TOLLIP: variants seen among roughly 807,000 people sequenced by gnomAD.
The protein encoded by TOLLIP is toll-interacting protein.
Under a neutral mutation model 33.5 loss-of-function variants are expected in TOLLIP, and 16 were observed. The ratio of observed to expected loss-of-function variants is 0.48; its 90% CI spans 0.32 to 0.72. TOLLIP has a LOEUF of 0.72. Among genes scored for constraint, TOLLIP ranks in the 30% least tolerant of loss-of-function variants. The pLI is 0.03. For synonymous variants in TOLLIP, 176 were observed against 163.7 expected, an observed-to-expected ratio of 1.07 and a Z score of -0.57; for missense variants, 325 against 396.6, an observed-to-expected ratio of 0.82 and a Z score of 1.53.
chr11:1,308,564 T>C (rs1052262063), intron 1 of TOLLIP, among the ~76,000 whole-genome samples: 5 of 152,174 alleles, frequency 3.3e-5, no homozygotes, highest in African/African-American at 1.2e-4. Flanking sequence ...GAGCCCATCA[T>C]CTCTGAGTCA....
At chr11:1,281,172 A>G (rs376389813) in intron 5 of TOLLIP, among the ~76,000 whole-genome samples, 58 of 152,352 alleles carry the variant, frequency 3.8e-4, no homozygotes, top group African/African-American at 1.4e-3. Flanking sequence ...GGTAATCAAA[A>G]TAATACTTTG....
intron 1 of TOLLIP, among the ~76,000 whole-genome samples, chr11:1,300,865 A>G (rs1864252166): frequency 6.6e-6 from 1 of 152,182 alleles, no homozygotes; most frequent in Non-Finnish European, 1.5e-5. Context: ...CACTTCCATG[A>G]CTGGCCCCCT....
chr11:1,277,338 C>T lies in TOLLIP; in HGVS notation c.611-85G>A. 1 of 1,148,208 alleles carries T rather than the reference C, an allele frequency of 8.7e-7. No homozygotes were observed. Among genetic ancestry groups the T allele is most frequent in the East Asian group, 2.6e-5 (1 of 38,366 alleles). The allele number at this position is 1,148,208 out of a possible 1,614,324, so 71.1% of individuals were successfully genotyped here. On this transcript the variant is annotated intron_variant, in intron 5 of 5. Coordinates refer to ENST00000317204, the MANE Select transcript of TOLLIP (RefSeq NM_019009.4). This position sits in a 1 kb window ranked among gnomAD's most constrained non-coding sequence, Gnocchi z 4.2. ...CTCCTGCTGAAGGAAGAAAACAACGCATCCCACCGGCCTCCCTGAGGAAGG... is the reference window on the plus strand; with the variant it reads ...CTCCTGCTGAAGGAAGAAAACAACGTATCCCACCGGCCTCCCTGAGGAAGG...
intron 5 of TOLLIP, among the ~76,000 whole-genome samples, chr11:1,282,034 G>C (rs1300390789): frequency 2.6e-4 from 40 of 152,232 alleles, no homozygotes; most frequent in Admixed American, 2.6e-3. Flanking sequence ...GTGAAGAAGG[G>C]TGCCTTATTC....
chr11:1,305,669 A>C (rs1401241223), intron 1 of TOLLIP, among the ~76,000 whole-genome samples: 11 of 152,214 alleles, frequency 7.2e-5, no homozygotes, highest in Non-Finnish European at 1.3e-4. Context: ...GGAATTATCA[A>C]CGATGTGAAG....
At chr11:1,295,474 C>T in intron 2 of TOLLIP, 171 bp downstream of exon 2, 2 of 851,546 alleles carry the variant, frequency 2.3e-6, no homozygotes, top group Non-Finnish European at 3.5e-6. Context: ...GGGGTCAATG[C>T]CAATATCTTT....
intron 5 of TOLLIP, among the ~76,000 whole-genome samples, chr11:1,279,879 G>A (rs1863438142): frequency 6.6e-6 from 1 of 152,194 alleles, no homozygotes; most frequent in Admixed American, 6.5e-5. Context: ...TCAGGCTGAA[G>A]GCATGTGGCC....
At chr11:1,299,936 G>A (rs1215439879) in intron 1 of TOLLIP, among the ~76,000 whole-genome samples, 8 of 152,246 alleles carry the variant, frequency 5.3e-5, no homozygotes, top group Non-Finnish European at 1.0e-4. Context: ...AGGCGGAGGC[G>A]GAGGTGCGGC....
chr11:1,290,401 C>T lies in TOLLIP; in HGVS notation c.192G>A (p.Leu64=). The part of the protein sequence containing the change: ...RLNITVVQAK[L]AKNYGMTRMD... ...TGCGGGTCATGCCGTAATTCTTGGCCAACTTTGCCTGGAATGAAGCCAATG... is the reference window on the plus strand; with the variant it reads ...TGCGGGTCATGCCGTAATTCTTGGCTAACTTTGCCTGGAATGAAGCCAATG... Residue 64 remains leucine (L), a synonymous_variant, in exon 3 of 6, where the codon TTG becomes TTA. Transcript: ENST00000317204. The surrounding 1 kb of genome is among the most constrained non-coding windows in gnomAD (Gnocchi z 4.9). The T allele has an allele frequency of 6.2e-7, 1 of 1,610,854 alleles. No homozygotes were observed.
Position 1,290,030 on chromosome 11 carries a change from T to A in TOLLIP, c.366+197A>T. On this transcript the variant is annotated intron_variant, in intron 3 of 5. Transcript: ENST00000317204. This position sits in a 1 kb window ranked among gnomAD's most constrained non-coding sequence, Gnocchi z 4.9. ...CTGGGGATGTTTCCAAATGTAAGTA[T>A]GTTCAAGGAGCTGGAAACAATCCCT... 2 of 590,674 alleles carry A rather than the reference T, an allele frequency of 3.4e-6. No individual in the cohort carries two copies. Among genetic ancestry groups the A allele is most frequent in the Non-Finnish European group, 6.0e-6 (2 of 333,818 alleles). 36.6% of individuals were successfully genotyped at this position (590,674 alleles called of 1,614,324 possible).
intron 1 of TOLLIP, among the ~76,000 whole-genome samples, chr11:1,304,569 G>A (rs572189900): frequency 6.6e-6 from 1 of 152,362 alleles, no homozygotes; most frequent in East Asian, 1.9e-4. Flanking sequence ...TCTCCGCGTG[G>A]ATCCGGAGGT....
intron 1 of TOLLIP, among the ~76,000 whole-genome samples, chr11:1,307,213 C>A (rs1429855028): frequency 6.6e-6 from 1 of 152,230 alleles, no homozygotes; most frequent in African/African-American, 2.4e-5. Flanking sequence ...TCTTAAGAGA[C>A]CCTGGCAGCT....
chr11:1,300,106 T>C (rs559763873), intron 1 of TOLLIP, among the ~76,000 whole-genome samples: 1 of 152,362 alleles, frequency 6.6e-6, no homozygotes, highest in Non-Finnish European at 1.5e-5. Context: ...TTTAAAAACA[T>C]TCGTGAATTA....
intron 2 of TOLLIP, chr11:1,295,386 G>A: frequency 2.8e-6 from 1 of 361,654 alleles, no homozygotes; most frequent in Non-Finnish European, 4.9e-6. Flanking sequence ...CAAGCCTGGT[G>A]GAAGAGCCAG....
At chr11:1,309,132 C>A (rs1864513140) in intron 1 of TOLLIP, among the ~76,000 whole-genome samples, 1 of 152,156 alleles carries the variant, frequency 6.6e-6, no homozygotes, top group Non-Finnish European at 1.5e-5. Context: ...GGGAGCGGGG[C>A]CTGCCTCCCT....
intron 1 of TOLLIP, among the ~76,000 whole-genome samples, chr11:1,296,324 AAAC>A (rs755412103): frequency 6.6e-6 from 1 of 152,234 alleles, no homozygotes; most frequent in Non-Finnish European, 1.5e-5. Context: ...AATCGATTCC[AAAC>A]AACCACGAAA....
In TOLLIP at chr11:1,278,105, G is replaced by T. The variant is rs1365335242; in HGVS notation, c.611-852C>A. The stretch of plus-strand genomic sequence containing the variant: ...GCACACACACCCCTGAAGGCACCGT[G>T]TGGCCGGACTTAAGACTCGCCTCCC... On this transcript the variant is annotated intron_variant, in intron 5 of 5. Coordinates refer to ENST00000317204, the MANE Select transcript of TOLLIP (RefSeq NM_019009.4). The surrounding 1 kb of genome is among the most constrained non-coding windows in gnomAD (Gnocchi z 4.7). Among the ~76,000 whole-genome samples, 1 of 152,182 alleles carries T rather than the reference G, an allele frequency of 6.6e-6. No homozygotes were observed. Among genetic ancestry groups the T allele is most frequent in the Non-Finnish European group, 1.5e-5 (1 of 68,040 alleles).
At chr11:1,299,512 GC>G (rs1369102485) in intron 1 of TOLLIP, among the ~76,000 whole-genome samples, 1 of 152,130 alleles carries the variant, frequency 6.6e-6, no homozygotes, top group African/African-American at 2.4e-5. Context: ...TAAATTCAGT[GC>G]TAATCCTAAA....
At chr11:1,308,527 A>G (rs1225930831) in intron 1 of TOLLIP, among the ~76,000 whole-genome samples, 2 of 152,354 alleles carry the variant, frequency 1.3e-5, no homozygotes, top group East Asian at 3.9e-4. Flanking sequence ...AGGCCCTAAC[A>G]GTGAGCCAGG....
Sources: allele counts gnomAD v4.1 joint callset (sites outside exome capture counted in the v4.1 genomes callset), GRCh38; gene constraint gnomAD v4.1.1; non-coding constraint Gnocchi (gnomAD v3.1); transcripts MANE v1.5; gene names NCBI Gene and HGNC (gene_info 2026-07-23, HGNC 2026-07-21).